Variants in BEND3 observed in about 807,000 individuals in gnomAD.
BEND3 encodes the protein BEN domain containing 3.
A neutral mutation model predicts 60.1 loss-of-function variants in BEND3; 13 were observed. That is an observed-to-expected ratio of 0.22 (90% CI 0.14 to 0.34). BEND3 has a LOEUF of 0.34. Among genes scored for constraint, BEND3 ranks in the 10% least tolerant of loss-of-function variants. The pLI is 1.00. For missense variants in BEND3, 896 were observed against 1,138.1 expected (o/e 0.79, Z 3.06); for synonymous variants, 497 against 491.5 (o/e 1.01, Z -0.15).
intron 3 of BEND3, among the ~76,000 whole-genome samples, chr6:107,074,091 C>T (rs1202381589): frequency 6.6e-6 from 1 of 152,160 alleles, no homozygotes; most frequent in Non-Finnish European, 1.5e-5. Context: ...ACACACAGCA[C>T]TGAGTCTATC....
chr6:107,103,814 G>A (rs1034825664), intron 1 of BEND3, among the ~76,000 whole-genome samples: 7 of 152,070 alleles, frequency 4.6e-5, no homozygotes, highest in Admixed American at 4.6e-4. Context: ...TGGGCATGGT[G>A]GCGCGTGCCT....
At chr6:107,085,951 T>C (rs1554234174) in intron 3 of BEND3, among the ~76,000 whole-genome samples, 1 of 150,542 alleles carries the variant, frequency 6.6e-6, no homozygotes, top group Non-Finnish European at 1.5e-5. Flanking sequence ...CACACCCAGC[T>C]AATTTTTTCA....
intron 3 of BEND3, among the ~76,000 whole-genome samples, chr6:107,076,549 T>A (rs996459581): frequency 3.4e-4 from 51 of 152,158 alleles, no homozygotes; most frequent in African/African-American, 1.2e-3. Context: ...CCATGCCCAG[T>A]GACATCCCAG....
At chr6:107,098,375 C>T (rs756796020) in intron 3 of BEND3, among the ~76,000 whole-genome samples, 176 bp downstream of exon 3, 2 of 152,194 alleles carry the variant, frequency 1.3e-5, no homozygotes. Flanking sequence ...ACAAGAATTC[C>T]AGTTAAAGAC....
At chr6:107,099,433 T>C in intron 1 of BEND3, 137 bp from the exon 2 acceptor site, 2 of 713,494 alleles carry the variant, frequency 2.8e-6, no homozygotes, top group Non-Finnish European at 4.8e-6. Context: ...GGAAGCTATG[T>C]GTCCTCCTAA....
In BEND3 at chr6:107,068,560, G is replaced by T. The variant is rs943311398; in HGVS notation, c.*144C>A. On this transcript the variant is annotated 3_prime_UTR_variant, in exon 4 of 4. Coordinates refer to ENST00000369042, the MANE Select transcript of BEND3 (RefSeq NM_001367314.1). The surrounding 1 kb of genome is among the most constrained non-coding windows in gnomAD (Gnocchi z 5.8). ...CTTGCGGTTGGGTGGGTGTTTACGT[G>T]TGCAAATGTAGTAAGCCACTCCCCA... The T allele has an allele frequency of 2.3e-6, 2 of 885,948 alleles. No homozygotes were observed. The highest frequency in any genetic ancestry group is 3.4e-6 in the Non-Finnish European group (2 of 595,330). The allele number at this position is 885,948 out of a possible 1,614,324, so 54.9% of individuals were successfully genotyped here.
intron 1 of BEND3, among the ~76,000 whole-genome samples, chr6:107,109,153 T>TGGGGGCG (rs1177197542): frequency 6.8e-6 from 1 of 147,490 alleles, no homozygotes; most frequent in African/African-American, 2.5e-5. Flanking sequence ...TAAAAATTGG[T>TGGGGGCG]GGGGGCGGGG....
intron 3 of BEND3, among the ~76,000 whole-genome samples, chr6:107,098,101 G>A (rs1233363604): frequency 1.3e-5 from 2 of 152,208 alleles, no homozygotes; most frequent in Non-Finnish European, 2.9e-5. Context: ...CTTGAGGCCA[G>A]GAGTTCAAGA....
At chr6:107,095,663 GAATA>G (rs1554235861) in intron 3 of BEND3, among the ~76,000 whole-genome samples, 1 of 152,142 alleles carries the variant, frequency 6.6e-6, no homozygotes, top group East Asian at 1.9e-4. Context: ...GTAGGTAAAT[GAATA>G]AATAAACTCT....
chr6:107,069,615 A>G lies in BEND3; in HGVS notation c.1576T>C (p.Ser526Pro), dbSNP rs781947622. Residue 526 changes from serine (S) to proline (P), a missense_variant, in exon 4 of 4, where the codon TCC becomes CCC. Ser to Pro is a moderately conservative substitution (Grantham distance 74). Transcript: ENST00000369042. Reference protein sequence around the residue: ...SFEGERPGRRSKKIWLVPIDF... With the variant: ...SFEGERPGRRPKKIWLVPIDF... ...ATGGGCACCAGCCAGATCTTCTTGG[A>G]GCGGCGACCCGGCCGCTCGCCCTCG... 6 of 1,611,778 alleles carry G rather than the reference A, an allele frequency of 3.7e-6. No individual in the cohort carries two copies. Among genetic ancestry groups the G allele is most frequent in the Non-Finnish European group, 5.1e-6 (6 of 1,179,992 alleles).
chr6:107,071,043 C>G, intron 3 of BEND3, 93 bp from the exon 4 acceptor site: 1 of 1,242,640 alleles, frequency 8.0e-7, no homozygotes, highest in Non-Finnish European at 1.1e-6. Flanking sequence ...AGGCCGAGGT[C>G]AACCTTGGGA....
At chr6:107,080,396 AAAAAAG>A (rs1775207314) in intron 3 of BEND3, among the ~76,000 whole-genome samples, 1 of 139,842 alleles carries the variant, frequency 7.2e-6, no homozygotes, top group African/African-American at 3.3e-5. Context: ...AGGAAAAAGA[AAAAAAG>A]AAAAGAAAAG....
At chr6:107,110,422 CAAT>C (rs1189359460) in intron 1 of BEND3, among the ~76,000 whole-genome samples, 1 of 152,038 alleles carries the variant, frequency 6.6e-6, no homozygotes, top group Non-Finnish European at 1.5e-5. Flanking sequence ...TGGGTTGAAA[CAAT>C]GATGTTGCAA....
At chr6:107,095,568 T>C (rs1469098911) in intron 3 of BEND3, among the ~76,000 whole-genome samples, 1 of 152,156 alleles carries the variant, frequency 6.6e-6, no homozygotes, top group African/African-American at 2.4e-5. Context: ...TGAAAACTTA[T>C]GTCCACATGA....
At chr6:107,071,520 T>C (rs1774981935) in intron 3 of BEND3, among the ~76,000 whole-genome samples, 1 of 152,182 alleles carries the variant, frequency 6.6e-6, no homozygotes, top group African/African-American at 2.4e-5. Flanking sequence ...AACTGGGCTG[T>C]GGAGAGCGGC....
chr6:107,073,468 C>T (rs1300327980), intron 3 of BEND3, among the ~76,000 whole-genome samples: 1 of 151,728 alleles, frequency 6.6e-6, no homozygotes, highest in African/African-American at 2.4e-5. Context: ...GATGGTTGTG[C>T]GATGGGACCA....
At position 107,068,176 on chromosome 6, in the gene BEND3, T is replaced by A. The variant is rs185344573; in HGVS notation, c.*528A>T. The A allele has an allele frequency of 6.5e-6, 1 of 152,922 alleles. No individual in the cohort carries two copies. Among genetic ancestry groups the A allele is most frequent in the East Asian group, 1.9e-4 (1 of 5,182 alleles). The allele number at this position is 152,922 out of a possible 1,614,324, so 9.5% of individuals were successfully genotyped here. ...GATGTAAAAAACAAGGTCAGTAAAA[T>A]CAGTATCCATGCCACCTGAAGCTAT... On this transcript the variant is annotated 3_prime_UTR_variant, in exon 4 of 4. Transcript: ENST00000369042. The surrounding 1 kb of genome is among the most constrained non-coding windows in gnomAD (Gnocchi z 5.8).
At chr6:107,077,422 T>C (rs1238648752) in intron 3 of BEND3, among the ~76,000 whole-genome samples, 1 of 152,146 alleles carries the variant, frequency 6.6e-6, no homozygotes, top group Non-Finnish European at 1.5e-5. Context: ...AACCCAGTGG[T>C]ACCCCTCACT....
intron 3 of BEND3, among the ~76,000 whole-genome samples, chr6:107,080,287 C>T (rs1400840575): frequency 7.6e-5 from 10 of 132,446 alleles, no homozygotes; most frequent in Non-Finnish European, 1.1e-4. Flanking sequence ...CCCGGGAGGT[C>T]GAGGCGGCAA....
Sources: gnomAD v4.1 joint callset for allele counts (sites outside exome capture counted in the v4.1 genomes callset) on GRCh38, gnomAD v4.1.1 for gene constraint, Gnocchi (gnomAD v3.1) non-coding constraint, MANE v1.5 for transcripts, NCBI Gene and HGNC (gene_info 2026-07-23, HGNC 2026-07-21) for gene names.